The following LARP4B variants were observed in gnomAD, a reference collection of about 807,000 sequenced individuals.
The protein encoded by LARP4B is la-related protein 4B.
In LARP4B, 12 loss-of-function variants were observed where a neutral mutation model predicts 89.8. That is an observed-to-expected ratio of 0.13 (90% CI 0.09 to 0.22). LARP4B has a LOEUF of 0.22. Ranked by LOEUF, LARP4B falls within the 10% of genes least tolerant of loss-of-function variation. The pLI is 1.00. For synonymous variants in LARP4B, 367 were observed against 363.3 expected, an observed-to-expected ratio of 1.01 and a Z score of -0.12; for missense variants, 757 against 947.7, an observed-to-expected ratio of 0.80 and a Z score of 2.64.
chr10:859,749 C>T lies in LARP4B; in HGVS notation c.430+3994G>A, dbSNP rs149275856. On this transcript the variant is annotated intron_variant, in intron 5 of 17. Transcript: ENST00000316157. ...AAGACATGGAGGAAGCTTAAATGTA[C>T]GTTACTAAATGAAAGAAACCTATCT... Among the ~76,000 whole-genome samples the T allele has an allele frequency of 4.8e-3, 734 of 152,060 alleles. 3 individuals are homozygous for T. The highest frequency in any genetic ancestry group is 0.017 in the South Asian group (82 of 4,824).
chr10:978,212 T>A, the LARP4B span, among the ~76,000 whole-genome samples: 1 of 152,192 alleles, frequency 6.6e-6, no homozygotes, highest in Non-Finnish European at 1.5e-5. Flanking sequence ...TTTTATTTGT[T>A]CTTTTACTTT....
chr10:841,230 A>G (rs1175813111), intron 7 of LARP4B, among the ~76,000 whole-genome samples: 1 of 152,240 alleles, frequency 6.6e-6, no homozygotes. Flanking sequence ...CTGCGGACCT[A>G]TTTATGACAT....
intron 5 of LARP4B, among the ~76,000 whole-genome samples, chr10:847,767 G>C (rs1048699932): frequency 2.0e-5 from 3 of 152,126 alleles, no homozygotes; most frequent in Non-Finnish European, 4.4e-5. Flanking sequence ...CTGCCCTCGT[G>C]ATCTGCCCAC....
At chr10:847,665 T>C (rs1588902735) in intron 5 of LARP4B, among the ~76,000 whole-genome samples, 1 of 152,214 alleles carries the variant, frequency 6.6e-6, no homozygotes, top group African/African-American at 2.4e-5. Flanking sequence ...TAGCGGGGAT[T>C]ACAGGCGCAC....
chr10:936,175 C>A (rs1267447945), upstream of LARP4B, among the ~76,000 whole-genome samples: 5 of 152,076 alleles, frequency 3.3e-5, no homozygotes, highest in Admixed American at 6.6e-5. Context: ...TGAGTACCTA[C>A]GCGGTCTCAG....
the LARP4B span, among the ~76,000 whole-genome samples, chr10:954,642 C>G: frequency 6.6e-6 from 1 of 152,168 alleles, no homozygotes; most frequent in African/African-American, 2.4e-5. The surrounding 1 kb of genome is among the most constrained non-coding windows in gnomAD (Gnocchi z 5.0). Flanking sequence ...ACCCGTGGGT[C>G]TGGGGGTGCG....
the LARP4B span, among the ~76,000 whole-genome samples, chr10:963,014 A>G: frequency 6.6e-6 from 1 of 152,172 alleles, no homozygotes; most frequent in South Asian, 2.1e-4. Context: ...TGGTAGCTGG[A>G]TGTTGCTCTC....
downstream of LARP4B, chr10:807,466 T>TTCTGCA (rs1477187106): frequency 6.6e-6 from 1 of 152,328 alleles, no homozygotes; most frequent in Non-Finnish European, 1.5e-5. Flanking sequence ...TTTGGCTGTC[T>TTCTGCA]TCTGCATCTG....
chr10:883,465 G>A (rs1023371938), intron 3 of LARP4B, among the ~76,000 whole-genome samples: 27 of 151,902 alleles, frequency 1.8e-4, no homozygotes, highest in African/African-American at 1.9e-4. Flanking sequence ...GACCAAGATC[G>A]CACCATTGCA....
chr10:897,666 T>C (rs1009885470), intron 1 of LARP4B, among the ~76,000 whole-genome samples: 3 of 152,102 alleles, frequency 2.0e-5, no homozygotes, highest in Non-Finnish European at 2.9e-5. Context: ...CTAAAACTTA[T>C]AATGAGACAA....
the LARP4B span, among the ~76,000 whole-genome samples, chr10:976,184 A>G: frequency 6.7e-6 from 1 of 148,802 alleles, no homozygotes; most frequent in Non-Finnish European, 1.5e-5. Context: ...AGTAGAAGGT[A>G]GGTGCTGCGT....
chr10:839,758 A>G (rs963670583), intron 7 of LARP4B, among the ~76,000 whole-genome samples: 3 of 152,192 alleles, frequency 2.0e-5, no homozygotes, highest in African/African-American at 4.8e-5. Flanking sequence ...AGTTGCTCAC[A>G]CACCTAACCA....
the LARP4B span, among the ~76,000 whole-genome samples, chr10:940,111 G>A: frequency 9.0e-5 from 13 of 144,782 alleles, no homozygotes; most frequent in African/African-American, 3.1e-4. Context: ...TCCACCTCCC[G>A]GGTTCAAGCG....
chr10:943,375 C>T, the LARP4B span, among the ~76,000 whole-genome samples: 1 of 152,158 alleles, frequency 6.6e-6, no homozygotes, highest in Non-Finnish European at 1.5e-5. Context: ...CTTCACAGGA[C>T]AGCAAGCATT....
intron 3 of LARP4B, among the ~76,000 whole-genome samples, chr10:866,458 G>A (rs1035175105): frequency 6.6e-6 from 1 of 152,226 alleles, no homozygotes; most frequent in African/African-American, 2.4e-5. Context: ...GGTGAAGGAA[G>A]CAGACAGGAG....
At chr10:956,123 G>A in the LARP4B span, among the ~76,000 whole-genome samples, 707 of 152,256 alleles carry the variant, frequency 4.6e-3, 6 homozygotes, top group African/African-American at 0.016. This position sits in a 1 kb window ranked among gnomAD's most constrained non-coding sequence, Gnocchi z 4.3. Context: ...CAGCGGCTCT[G>A]GGAGCTGACT....
intron 14 of LARP4B, chr10:819,382 T>C (rs770741530): frequency 1.1e-4 from 17 of 152,224 alleles, no homozygotes; most frequent in Non-Finnish European, 2.1e-4. Context: ...TCCTCTAGGA[T>C]CTGAGCACCT....
intron 3 of LARP4B, among the ~76,000 whole-genome samples, chr10:867,648 G>A (rs1834973107): frequency 6.6e-6 from 1 of 151,972 alleles, no homozygotes; most frequent in Non-Finnish European, 1.5e-5. Flanking sequence ...ATCACTTGTG[G>A]TCAGGAGTTC....
chr10:918,435 C>T (rs1170206543), intron 1 of LARP4B, among the ~76,000 whole-genome samples: 3 of 151,992 alleles, frequency 2.0e-5, no homozygotes, highest in Admixed American at 6.6e-5. Flanking sequence ...GAGTTTGAGA[C>T]CAGCCTGTGC....
Sources: allele counts gnomAD v4.1 joint callset (sites outside exome capture counted in the v4.1 genomes callset), GRCh38; gene constraint gnomAD v4.1.1; non-coding constraint Gnocchi (gnomAD v3.1); transcripts MANE v1.5; gene names NCBI Gene and HGNC (gene_info 2026-07-23, HGNC 2026-07-21).